Variants in LRRC4C observed in about 807,000 individuals in gnomAD.
LRRC4C encodes leucine-rich repeat-containing protein 4C.
LRRC4C carries 5 observed loss-of-function variants against 33.6 expected under a neutral mutation model. The ratio of observed to expected loss-of-function variants is 0.15; its 90% CI spans 0.08 to 0.31. LRRC4C has a LOEUF of 0.31. Among genes scored for constraint, LRRC4C ranks in the 10% least tolerant of loss-of-function variants. The pLI, the probability that LRRC4C is intolerant of heterozygous loss-of-function variation, is 1.00. For missense variants in LRRC4C, 560 were observed against 796.7 expected, an observed-to-expected ratio of 0.70 and a Z score of 3.58; for synonymous variants, 329 against 302.0, an observed-to-expected ratio of 1.09 and a Z score of -0.93.
At chr11:40,713,055 A>ATTTTT (rs34787819) in intron 2 of LRRC4C, among the ~76,000 whole-genome samples, 1 of 136,934 alleles carries the variant, frequency 7.3e-6, no homozygotes, top group Non-Finnish European at 1.6e-5. Context: ...TGCCTGGCTA[A>ATTTTT]TTTTTTTTTT....
At chr11:40,166,032 T>C (rs1331958249) in intron 5 of LRRC4C, among the ~76,000 whole-genome samples, 1 of 152,214 alleles carries the variant, frequency 6.6e-6, no homozygotes, top group Non-Finnish European at 1.5e-5. Flanking sequence ...AGAAAACTGT[T>C]TGGCTCTCTT....
chr11:41,241,975 A>G (rs2136556699), intron 1 of LRRC4C, among the ~76,000 whole-genome samples: 1 of 152,284 alleles, frequency 6.6e-6, no homozygotes, highest in East Asian at 1.9e-4. Context: ...AATATGTCTC[A>G]ACATCATCAT....
chr11:40,524,706 A>G (rs573833287), intron 3 of LRRC4C, among the ~76,000 whole-genome samples: 6 of 152,282 alleles, frequency 3.9e-5, no homozygotes, highest in Admixed American at 3.9e-4. Flanking sequence ...CCAAAACTGA[A>G]GCTCATTCAA....
chr11:40,417,794 A>T (rs1950382671), intron 3 of LRRC4C, among the ~76,000 whole-genome samples: 4 of 152,164 alleles, frequency 2.6e-5, no homozygotes. Context: ...TGATGAAATG[A>T]TCTCCATTTC....
chr11:41,391,196 C>T (rs80056436), intron 1 of LRRC4C, among the ~76,000 whole-genome samples: 1,621 of 151,792 alleles, frequency 0.011, 29 homozygotes, highest in African/African-American at 0.037. Flanking sequence ...CTCTGCCCTG[C>T]CTTCTTCTTC....
chr11:40,512,529 TATC>T (rs1313795914), intron 3 of LRRC4C, among the ~76,000 whole-genome samples: 1 of 152,190 alleles, frequency 6.6e-6, no homozygotes, highest in Non-Finnish European at 1.5e-5. Context: ...CTTATGTAGA[TATC>T]ATCAGATGGT....
chr11:40,857,748 T>C (rs1021596813), intron 2 of LRRC4C, among the ~76,000 whole-genome samples: 1 of 151,794 alleles, frequency 6.6e-6, no homozygotes, highest in Non-Finnish European at 1.5e-5. Context: ...ATCCCTGTCT[T>C]TACAAGAAAT....
chr11:40,415,930 G>C (rs1258334003), intron 3 of LRRC4C, among the ~76,000 whole-genome samples: 1 of 152,292 alleles, frequency 6.6e-6, no homozygotes, highest in Non-Finnish European at 1.5e-5. Context: ...CTATGAAATA[G>C]AAATTATAAC....
At chr11:40,313,020 A>G (rs1162223146) in intron 4 of LRRC4C, among the ~76,000 whole-genome samples, 1 of 152,094 alleles carries the variant, frequency 6.6e-6, no homozygotes, top group Non-Finnish European at 1.5e-5. Flanking sequence ...ATCACGCCAG[A>G]AGTGGTCTTA....
chr11:40,800,433 A>C (rs1950994657), intron 2 of LRRC4C, among the ~76,000 whole-genome samples: 1 of 152,190 alleles, frequency 6.6e-6, no homozygotes, highest in Admixed American at 6.5e-5. Context: ...TATTTTGTGA[A>C]CATGTATGGA....
intron 4 of LRRC4C, among the ~76,000 whole-genome samples, chr11:40,316,255 A>C (rs1945568273): frequency 6.6e-6 from 1 of 152,008 alleles, no homozygotes; most frequent in Admixed American, 6.5e-5. Context: ...TGTTTTCAGA[A>C]ATAAGTAGAA....
intron 3 of LRRC4C, among the ~76,000 whole-genome samples, chr11:40,406,557 C>A (rs1398752431): frequency 6.6e-6 from 1 of 152,038 alleles, no homozygotes; most frequent in African/African-American, 2.4e-5. Flanking sequence ...AGAAAAAAGA[C>A]TAGAAGAAAA....
intron 3 of LRRC4C, among the ~76,000 whole-genome samples, chr11:40,598,225 C>T (rs1365923345): frequency 2.0e-5 from 3 of 152,112 alleles, no homozygotes; most frequent in Admixed American, 2.0e-4. Context: ...AAAGAAAAAA[C>T]ATTTCTGTAG....
chr11:40,629,814 T>C (rs928840082), intron 3 of LRRC4C, among the ~76,000 whole-genome samples: 1 of 152,188 alleles, frequency 6.6e-6, no homozygotes, highest in African/African-American at 2.4e-5. Context: ...CTCTTTATTT[T>C]ATACAAAAAT....
intron 1 of LRRC4C, among the ~76,000 whole-genome samples, chr11:41,444,472 A>G (rs1054597821): frequency 1.3e-5 from 2 of 152,228 alleles, no homozygotes; most frequent in African/African-American, 4.8e-5. Context: ...TTTTGTATTC[A>G]CGGGTGGGTG....
chr11:40,145,030 T>G (rs557848877), intron 5 of LRRC4C, among the ~76,000 whole-genome samples: 22 of 152,318 alleles, frequency 1.4e-4, no homozygotes, highest in African/African-American at 5.3e-4. Context: ...TATGTGTCTT[T>G]CTGCCTCATT....
chr11:41,431,867 C>T (rs978248938), intron 1 of LRRC4C, among the ~76,000 whole-genome samples: 2 of 151,998 alleles, frequency 1.3e-5, no homozygotes, highest in Non-Finnish European at 2.9e-5. Flanking sequence ...TCTTTATGGC[C>T]CACCTTAGGT....
intron 2 of LRRC4C, among the ~76,000 whole-genome samples, chr11:40,702,064 A>G (rs945375196): frequency 1.3e-5 from 2 of 152,060 alleles, no homozygotes; most frequent in Non-Finnish European, 2.9e-5. Context: ...TTATTAAGTG[A>G]TACCATATCT....
intron 2 of LRRC4C, among the ~76,000 whole-genome samples, chr11:40,823,683 T>C (rs1167391422): frequency 6.6e-6 from 1 of 151,692 alleles, no homozygotes; most frequent in Non-Finnish European, 1.5e-5. Context: ...CGATAGATAA[T>C]ATGAAATGAT....
Sources: allele counts gnomAD v4.1 joint callset (sites outside exome capture counted in the v4.1 genomes callset), GRCh38; gene constraint gnomAD v4.1.1; transcripts MANE v1.5; gene names NCBI Gene and HGNC (gene_info 2026-07-23, HGNC 2026-07-21).